Variants in RIMBP2 observed in about 807,000 individuals in gnomAD.
The protein encoded by RIMBP2 is RIMS-binding protein 2.
In RIMBP2, 48 loss-of-function variants were observed where a neutral mutation model predicts 118.6. The ratio of observed to expected loss-of-function variants is 0.40; its 90% CI spans 0.32 to 0.51. RIMBP2 has a LOEUF of 0.51. Ranked by LOEUF, RIMBP2 falls within the 20% of genes least tolerant of loss-of-function variation. The probability of loss-of-function intolerance (pLI) is 0.41; values close to 1 mark genes in which losing one functional copy is unlikely to be tolerated. For synonymous variants in RIMBP2, 762 were observed against 742.9 expected, an observed-to-expected ratio of 1.03 and a Z score of -0.42; for missense variants, 1,551 against 1,768.3, an observed-to-expected ratio of 0.88 and a Z score of 2.20.
intron 2 of RIMBP2, among the ~76,000 whole-genome samples, chr12:130,611,497 G>A (rs1166203228): frequency 5.3e-5 from 8 of 152,198 alleles, no homozygotes; most frequent in African/African-American, 1.4e-4. Context: ...GGAAGACACC[G>A]GCTGCCGGCT....
intron 4 of RIMBP2, among the ~76,000 whole-genome samples, chr12:130,490,800 G>A (rs557534333): frequency 2.0e-5 from 3 of 152,214 alleles, no homozygotes; most frequent in Admixed American, 1.3e-4. Context: ...TAAACCCCTC[G>A]GCTTACCGGC....
rs113803174 is a variant in RIMBP2 at position 130,539,610 on chromosome 12, C to T, written c.-216-21693G>A. Among the ~76,000 whole-genome samples the T allele has an allele frequency of 1.1e-4, 16 of 139,694 alleles. 1 individual carries two copies. Among genetic ancestry groups the T allele is most frequent in the African/African-American group, 2.5e-4 (9 of 35,544 alleles). 91.6% of individuals were successfully genotyped at this position (139,694 alleles called of 152,430 possible). A position where few individuals can be genotyped will look rare whatever the true frequency, so the allele number is the denominator to read the frequency against. On this transcript the variant is annotated intron_variant, in intron 2 of 22. Coordinates refer to ENST00000690449, the MANE Select transcript of RIMBP2 (RefSeq NM_001393629.1). The stretch of plus-strand genomic sequence containing the variant: ...AGGTGTAGGATATGGCAAATGCAGT[C>T]GATGAGGTGGCCAGGTGTAGGATAT...
intron 2 of RIMBP2, among the ~76,000 whole-genome samples, chr12:130,587,067 C>A: frequency 7.4e-6 from 1 of 134,914 alleles, no homozygotes; most frequent in Admixed American, 7.3e-5. Context: ...AGCCAAAAAA[C>A]ACATGAAAAA....
At chr12:130,524,036 A>C (rs1318707149) in intron 2 of RIMBP2, among the ~76,000 whole-genome samples, 1 of 152,150 alleles carries the variant, frequency 6.6e-6, no homozygotes, top group Non-Finnish European at 1.5e-5. Context: ...GGCCCCAGCA[A>C]GATGCTTCCT....
intron 2 of RIMBP2, among the ~76,000 whole-genome samples, chr12:130,533,737 A>G (rs996972605): frequency 1.3e-5 from 2 of 152,244 alleles, no homozygotes; most frequent in Non-Finnish European, 2.9e-5. Flanking sequence ...CATAAAAAGA[A>G]TGAAATTATG....
rs2064883819 is a variant in RIMBP2 at position 130,683,265 on chromosome 12, A to C, written c.-352+32957T>G. Among the ~76,000 whole-genome samples, 1 of 152,194 alleles carries C rather than the reference A, an allele frequency of 6.6e-6. No homozygotes were observed. The highest frequency in any genetic ancestry group is 2.4e-5 in the African/African-American group (1 of 41,462). The stretch of plus-strand genomic sequence containing the variant: ...AACCAGAGGTCGGAGTGATGTGGCC[A>C]CAAGCCCAAGGATGCCAAGGACAGC... On this transcript the variant is annotated intron_variant, in intron 1 of 22. Transcript: ENST00000690449. The surrounding 1 kb of genome is among the most constrained non-coding windows in gnomAD (Gnocchi z 4.4).
chr12:130,480,566 C>A (rs1337776297), intron 4 of RIMBP2, among the ~76,000 whole-genome samples: 3 of 152,196 alleles, frequency 2.0e-5, no homozygotes, highest in African/African-American at 7.2e-5. Flanking sequence ...TATTATTTTA[C>A]AATTCCATTG....
intron 4 of RIMBP2, among the ~76,000 whole-genome samples, chr12:130,499,753 C>A (rs888601980): frequency 2.6e-5 from 4 of 152,182 alleles, no homozygotes; most frequent in Non-Finnish European, 5.9e-5. Context: ...ACCAGCTCTT[C>A]CATGACTATC....
intron 2 of RIMBP2, among the ~76,000 whole-genome samples, chr12:130,567,989 C>T (rs970903767): frequency 6.6e-6 from 1 of 151,950 alleles, no homozygotes; most frequent in Non-Finnish European, 1.5e-5. Context: ...CTGCCATGCA[C>T]CAATTAAAAA....
intron 1 of RIMBP2, among the ~76,000 whole-genome samples, chr12:130,649,115 C>T (rs2063114214): frequency 6.9e-6 from 1 of 145,544 alleles, no homozygotes; most frequent in South Asian, 2.1e-4. Flanking sequence ...TAGGCTCAGT[C>T]GGAGGTGGGT....
intron 2 of RIMBP2, among the ~76,000 whole-genome samples, chr12:130,607,387 A>G (rs1404543269): frequency 6.7e-6 from 1 of 148,980 alleles, no homozygotes; most frequent in African/African-American, 2.4e-5. Context: ...GATTAAGATG[A>G]TGTTTAATAG....
intron 1 of RIMBP2, chr12:130,633,972 AGGAACTGCTTT>A (rs749151107): frequency 6.6e-6 from 1 of 152,256 alleles, no homozygotes; most frequent in Non-Finnish European, 1.5e-5. Flanking sequence ...CAAGCCGGCC[AGGAACTGCTTT>A]GTGTCAGCTG....
rs926060867 is a variant in RIMBP2, at chr12:130,622,604, A to G, written c.-217+5718T>C. ...TTGCCTCCCACAGTGCTGGGAATAC[A>G]GAAATGAGCCACTGCACCTGGCCTA... On this transcript the variant is annotated intron_variant, in intron 2 of 22. Coordinates refer to ENST00000690449, the MANE Select transcript of RIMBP2 (RefSeq NM_001393629.1). The surrounding 1 kb of genome is among the most constrained non-coding windows in gnomAD (Gnocchi z 8.5). 6.6e-5 allele frequency among the ~76,000 whole-genome samples: 10 copies of G among 152,184 alleles called. No individual in the cohort carries two copies. Among genetic ancestry groups the G allele is most frequent in the African/African-American group, 2.4e-4 (10 of 41,440 alleles).
At chr12:130,554,067 T>C (rs370488727) in intron 2 of RIMBP2, among the ~76,000 whole-genome samples, 1 of 152,184 alleles carries the variant, frequency 6.6e-6, no homozygotes, top group East Asian at 1.9e-4. Context: ...TGACCATCTG[T>C]AAACTCATTG....
chr12:130,528,802 A>G (rs908761509), intron 2 of RIMBP2, among the ~76,000 whole-genome samples: 9 of 152,214 alleles, frequency 5.9e-5, no homozygotes, highest in African/African-American at 1.7e-4. Flanking sequence ...GGAGAGAACA[A>G]TTATGCCACA....
At chr12:130,556,541 C>T (rs1046574088) in intron 2 of RIMBP2, among the ~76,000 whole-genome samples, 3 of 152,230 alleles carry the variant, frequency 2.0e-5, no homozygotes, top group African/African-American at 7.2e-5. Flanking sequence ...GACGCTCGGG[C>T]ACTCAGGATG....
intron 1 of RIMBP2, among the ~76,000 whole-genome samples, chr12:130,674,914 T>C (rs1247754160): frequency 6.6e-6 from 1 of 152,214 alleles, no homozygotes; most frequent in East Asian, 1.9e-4. Flanking sequence ...GCAAGGTTCA[T>C]CCGTGTGGTG....
intron 22 of RIMBP2, 74 bp downstream of exon 22, chr12:130,399,605 C>T: frequency 6.7e-7 from 1 of 1,502,292 alleles, no homozygotes; most frequent in East Asian, 2.3e-5. Flanking sequence ...ATAAAAATAT[C>T]AGTGCAAAGA....
chr12:130,442,668 G>A lies in RIMBP2; in HGVS notation c.692-8C>T. The A allele has an allele frequency of 1.2e-6, 2 of 1,609,900 alleles. No individual in the cohort carries two copies. Among genetic ancestry groups the A allele is most frequent in the Non-Finnish European group, 1.7e-6 (2 of 1,177,606 alleles). ...GGCCATCGAGGAGCTCTCCTGTTGGGTACAAGGACAGAGTTATCACCCAGC... is the reference window on the plus strand; with the variant it reads ...GGCCATCGAGGAGCTCTCCTGTTGGATACAAGGACAGAGTTATCACCCAGC... On this transcript the variant is annotated splice_region_variant and splice_polypyrimidine_tract_variant and intron_variant, in intron 10 of 22. Transcript: ENST00000690449. The surrounding 1 kb of genome is among the most constrained non-coding windows in gnomAD (Gnocchi z 6.9).
Sources: gnomAD v4.1 joint callset for allele counts (sites outside exome capture counted in the v4.1 genomes callset) on GRCh38, gnomAD v4.1.1 for gene constraint, Gnocchi (gnomAD v3.1) non-coding constraint, MANE v1.5 for transcripts, NCBI Gene and HGNC (gene_info 2026-07-23, HGNC 2026-07-21) for gene names.